The following BBS9 variants were observed in gnomAD, a reference collection of about 807,000 sequenced individuals.
BBS9 encodes Bardet-Biedl syndrome 9.
In BBS9, 89 loss-of-function variants were observed where a neutral mutation model predicts 117.7. That is an observed-to-expected ratio of 0.76 (90% CI 0.64 to 0.90). BBS9 has a LOEUF of 0.90. Ranked by LOEUF, BBS9 falls within the 40% of genes least tolerant of loss-of-function variation. BBS9 has a pLI of 0.00. For synonymous variants in BBS9, 379 were observed against 370.9 expected (o/e 1.02, Z -0.25); for missense variants, 982 against 1,042.2 (o/e 0.94, Z 0.80).
At chr7:33,285,498 A>G (rs1802715047) in intron 9 of BBS9, among the ~76,000 whole-genome samples, 1 of 152,150 alleles carries the variant, frequency 6.6e-6, no homozygotes, top group Non-Finnish European at 1.5e-5. Context: ...AATCTCATTG[A>G]AGGATTTTGG....
chr7:33,585,427 C>T lies in BBS9; in HGVS notation c.2522-19438C>T, dbSNP rs144606161. ...GTCTTTCCTTTCTGACAAGGAGAAG[C>T]GAGAGAATGGGATAGTTTAGACTTG... On this transcript the variant is annotated intron_variant, in intron 21 of 22. Coordinates refer to ENST00000242067, the MANE Select transcript of BBS9 (RefSeq NM_198428.3). Among the ~76,000 whole-genome samples, 698 of 152,062 alleles carry T rather than the reference C, an allele frequency of 4.6e-3. 5 individuals carry two copies. Among genetic ancestry groups the T allele is most frequent in the Non-Finnish European group, 7.7e-3 (524 of 67,970 alleles).
At chr7:33,149,631 G>A (rs755674739) in intron 2 of BBS9, among the ~76,000 whole-genome samples, 2 of 152,132 alleles carry the variant, frequency 1.3e-5, no homozygotes, top group Non-Finnish European at 2.9e-5. Flanking sequence ...TGGAGGGAAA[G>A]TTTATTTCTA....
At chr7:33,265,061 G>T (rs60580588) in intron 7 of BBS9, among the ~76,000 whole-genome samples, 14 of 152,216 alleles carry the variant, frequency 9.2e-5, no homozygotes, top group African/African-American at 3.4e-4. Context: ...GGGAATAGAT[G>T]GTGATTATGA....
At chr7:33,598,925 A>T (rs957564079) in intron 21 of BBS9, among the ~76,000 whole-genome samples, 5 of 152,296 alleles carry the variant, frequency 3.3e-5, no homozygotes, top group African/African-American at 1.2e-4. Flanking sequence ...AACCTGGCCC[A>T]ACACCTGTTT....
chr7:33,365,690 GGGACTTTGGTTCT>G (rs1437418389), intron 16 of BBS9, among the ~76,000 whole-genome samples: 17 of 152,250 alleles, frequency 1.1e-4, no homozygotes, highest in African/African-American at 4.1e-4. Context: ...TATGTGTAAA[GGGACTTTGGTTCT>G]GGGCTTTGGG....
At chr7:33,570,180 A>T (rs1434027733) in intron 21 of BBS9, among the ~76,000 whole-genome samples, 1 of 152,198 alleles carries the variant, frequency 6.6e-6, no homozygotes, top group Admixed American at 6.5e-5. Context: ...AATACTTTAA[A>T]AAAGGAACCA....
intron 16 of BBS9, among the ~76,000 whole-genome samples, chr7:33,365,079 CTCTTTTTTTTTCTTTTT>C (rs372083058): frequency 1.4e-4 from 21 of 150,208 alleles, no homozygotes; most frequent in African/African-American, 4.7e-4. Flanking sequence ...GGTTTTGTTT[CTCTTTTTTTTTCTTTTT>C]TCTTTTTTTT....
chr7:33,177,714 AC>A (rs1797533839), intron 5 of BBS9, 123 bp downstream of exon 5: 1 of 751,076 alleles, frequency 1.3e-6, no homozygotes, highest in East Asian at 2.7e-5. Context: ...TTTTATTGAA[AC>A]CTTTGTATCC....
chr7:33,615,815 G>A lies in BBS9; in HGVS notation c.2522-19362G>A, dbSNP rs372608582. ...AAGATAAAGGAAATTCTTGAAAGAA[G>A]CTAGAGGGGAAAAACCCTGCCTATT... On this transcript the variant is annotated intron_variant, in intron 21 of 21. Coordinates refer to the BBS9 transcript ENST00000671952. Among the ~76,000 whole-genome samples the A allele has an allele frequency of 3.9e-4, 60 of 152,142 alleles. No individual in the cohort carries two copies. In the East Asian group the frequency reaches 7.3e-3, roughly 19 times the overall value.
chr7:33,569,293 T>C (rs949864256), intron 21 of BBS9, among the ~76,000 whole-genome samples: 4 of 152,140 alleles, frequency 2.6e-5, no homozygotes, highest in African/African-American at 9.7e-5. Flanking sequence ...AACTGCTTTA[T>C]GTGTATGCTA....
chr7:33,165,258 A>C lies in BBS9; in HGVS notation c.328+9556A>C, dbSNP rs907686512. On this transcript the variant is annotated intron_variant, in intron 4 of 22. Transcript: ENST00000242067. The stretch of plus-strand genomic sequence containing the variant: ...CTGACCTTTCTTTCTGGCTGCCCTT[A>C]ACATTTTTTCCTTCATTTCAACCTT... 9.7e-4 allele frequency among the ~76,000 whole-genome samples: 147 copies of C among 152,124 alleles called. 3 individuals are homozygous for C. The highest frequency in any genetic ancestry group is 2.5e-4 in the Non-Finnish European group (17 of 68,032).
At chr7:33,591,918 A>G (rs903339352) in intron 21 of BBS9, among the ~76,000 whole-genome samples, 7 of 151,918 alleles carry the variant, frequency 4.6e-5, no homozygotes, top group Non-Finnish European at 1.0e-4. Flanking sequence ...AAAAATTCCT[A>G]TTGTAATCTC....
At chr7:33,469,511 GA>G (rs1840673795) in intron 19 of BBS9, among the ~76,000 whole-genome samples, 1 of 152,094 alleles carries the variant, frequency 6.6e-6, no homozygotes, top group East Asian at 1.9e-4. Context: ...AAATAAGATG[GA>G]AAATGGTATA....
chr7:33,599,185 C>A (rs1412292415), intron 21 of BBS9, among the ~76,000 whole-genome samples: 3 of 152,146 alleles, frequency 2.0e-5, no homozygotes, highest in Non-Finnish European at 4.4e-5. Flanking sequence ...TGGAACCCAG[C>A]AGATCAAGTA....
chr7:33,585,297 G>A (rs993729964), intron 21 of BBS9, among the ~76,000 whole-genome samples: 1 of 152,138 alleles, frequency 6.6e-6, no homozygotes, highest in African/African-American at 2.4e-5. Context: ...TTTTGAGCAA[G>A]GGGTGTAGTA....
chr7:33,416,970 T>G (rs1832106811), intron 19 of BBS9, among the ~76,000 whole-genome samples: 1 of 152,202 alleles, frequency 6.6e-6, no homozygotes, highest in Non-Finnish European at 1.5e-5. Context: ...AGATATTTAT[T>G]AGGGACCATA....
intron 21 of BBS9, among the ~76,000 whole-genome samples, chr7:33,539,990 G>T (rs1852022895): frequency 6.6e-6 from 1 of 152,138 alleles, no homozygotes; most frequent in African/African-American, 2.4e-5. Flanking sequence ...TTTTAGAAGT[G>T]GTCAGTTTTT....
At chr7:33,383,110 G>T (rs889392141) in intron 17 of BBS9, among the ~76,000 whole-genome samples, 1 of 152,080 alleles carries the variant, frequency 6.6e-6, no homozygotes, top group Non-Finnish European at 1.5e-5. Flanking sequence ...GTGGAGCTGA[G>T]GTCTCAGGGA....
chr7:33,337,880 TC>T (rs1456679495), intron 10 of BBS9, among the ~76,000 whole-genome samples: 2 of 152,090 alleles, frequency 1.3e-5, no homozygotes, highest in Admixed American at 1.3e-4. Flanking sequence ...GGCTTTCATT[TC>T]AAATTTTGTC....
Sources: allele counts gnomAD v4.1 joint callset (sites outside exome capture counted in the v4.1 genomes callset), GRCh38; gene constraint gnomAD v4.1.1; transcripts MANE v1.5; gene names NCBI Gene and HGNC (gene_info 2026-07-23, HGNC 2026-07-21).